Variants in GPC6 observed in about 807,000 individuals in gnomAD.
GPC6 encodes the protein glypican 6.
Under a neutral mutation model 55.2 loss-of-function variants are expected in GPC6, and 14 were observed. That is an observed-to-expected ratio of 0.25 (90% confidence interval 0.17 to 0.40). The LOEUF (loss-of-function observed/expected upper bound fraction) is 0.40, where lower values mean the gene tolerates loss of function less well. Ranked by LOEUF, GPC6 falls within the 10% of genes least tolerant of loss-of-function variation. The probability of loss-of-function intolerance (pLI) is 1.00; values close to 1 mark genes in which losing one functional copy is unlikely to be tolerated. For missense variants in GPC6, 641 were observed against 708.5 expected, an observed-to-expected ratio of 0.90 and a Z score of 1.08; for synonymous variants, 278 against 259.6, an observed-to-expected ratio of 1.07 and a Z score of -0.68.
At chr13:94,099,725 G>A (rs1332669311) in intron 4 of GPC6, among the ~76,000 whole-genome samples, 4 of 152,002 alleles carry the variant, frequency 2.6e-5, no homozygotes, top group Admixed American at 2.6e-4. Flanking sequence ...TCTTGGGACC[G>A]GGCTCTTATG....
At chr13:93,536,062 C>CTG (rs1342455880) in intron 1 of GPC6, among the ~76,000 whole-genome samples, 2 of 152,064 alleles carry the variant, frequency 1.3e-5, no homozygotes, top group Non-Finnish European at 2.9e-5. Flanking sequence ...TGTCTGTGAG[C>CTG]AGAGTTTCCC....
chr13:94,380,828 C>T (rs1297035659), intron 6 of GPC6, among the ~76,000 whole-genome samples: 1 of 152,206 alleles, frequency 6.6e-6, no homozygotes, highest in African/African-American at 2.4e-5. Flanking sequence ...GTCCAGAGCC[C>T]TCTGCTGCAT....
chr13:93,804,444 C>T (rs1886478384), intron 2 of GPC6, among the ~76,000 whole-genome samples: 1 of 152,162 alleles, frequency 6.6e-6, no homozygotes, highest in East Asian at 1.9e-4. Context: ...ATTTCAAGAT[C>T]CAGACAAGTT....
At chr13:93,621,898 G>T (rs1878966666) in intron 2 of GPC6, among the ~76,000 whole-genome samples, 2 of 152,000 alleles carry the variant, frequency 1.3e-5, no homozygotes, top group Non-Finnish European at 2.9e-5. Flanking sequence ...CTGGCATTTT[G>T]AAATATGCAA....
At chr13:93,352,437 A>T (rs958863621) in intron 1 of GPC6, among the ~76,000 whole-genome samples, 2 of 152,208 alleles carry the variant, frequency 1.3e-5, no homozygotes, top group Non-Finnish European at 2.9e-5. Flanking sequence ...TAACATTTCA[A>T]ACAATTGAAA....
At chr13:94,015,766 C>T (rs1442465111) in intron 3 of GPC6, among the ~76,000 whole-genome samples, 1 of 152,112 alleles carries the variant, frequency 6.6e-6, no homozygotes, top group Admixed American at 6.5e-5. Context: ...ATCCTTTCCT[C>T]CTTGAATGGT....
At chr13:94,055,809 AG>A (rs1267123933) in intron 4 of GPC6, among the ~76,000 whole-genome samples, 5 of 152,198 alleles carry the variant, frequency 3.3e-5, no homozygotes, top group Admixed American at 2.0e-4. Flanking sequence ...AAAAACAAAA[AG>A]TAAAAAAATA....
At chr13:93,562,029 C>A (rs191334120) in intron 2 of GPC6, among the ~76,000 whole-genome samples, 1 of 152,132 alleles carries the variant, frequency 6.6e-6, no homozygotes, top group East Asian at 1.9e-4. Flanking sequence ...TTTGCTACAG[C>A]GTGTTTCTGA....
At chr13:93,720,906 T>C (rs1040058787) in intron 2 of GPC6, among the ~76,000 whole-genome samples, 2 of 152,080 alleles carry the variant, frequency 1.3e-5, no homozygotes, top group Non-Finnish European at 2.9e-5. Context: ...TGAGTTCTAA[T>C]TTGATTGCAC....
chr13:93,576,450 C>A (rs1876668075), intron 2 of GPC6, among the ~76,000 whole-genome samples: 1 of 152,090 alleles, frequency 6.6e-6, no homozygotes. Flanking sequence ...CCTGACACAT[C>A]TGTATAATTC....
intron 6 of GPC6, among the ~76,000 whole-genome samples, chr13:94,342,831 T>G (rs1341611920): frequency 6.6e-6 from 1 of 152,054 alleles, no homozygotes; most frequent in Non-Finnish European, 1.5e-5. Context: ...CCATCCTCAG[T>G]CCTAGACTGT....
In GPC6 at chr13:94,405,596, T is replaced by C. The variant is rs1256885666; in HGVS notation, c.*2379T>C. 1 of 152,230 alleles carries C rather than the reference T, an allele frequency of 6.6e-6. No homozygotes were observed. Among genetic ancestry groups the C allele is most frequent in the Non-Finnish European group, 1.5e-5 (1 of 68,020 alleles). 9.4% of individuals were successfully genotyped at this position (152,230 alleles called of 1,614,324 possible). ...TTTCACCCCCAAAAGGTTTTGTGCA[T>C]GTGTATGAATACACATAATATTAGT... On this transcript the variant is annotated 3_prime_UTR_variant, in exon 9 of 9. Coordinates refer to ENST00000377047, the MANE Select transcript of GPC6 (RefSeq NM_005708.5).
At chr13:93,455,074 C>T (rs1278730853) in intron 1 of GPC6, among the ~76,000 whole-genome samples, 1 of 152,178 alleles carries the variant, frequency 6.6e-6, no homozygotes, top group South Asian at 2.1e-4. Flanking sequence ...CGGCCGGCTG[C>T]TCCGAGTGCA....
intron 2 of GPC6, among the ~76,000 whole-genome samples, chr13:93,796,395 G>A (rs1456023738): frequency 6.6e-6 from 1 of 151,944 alleles, no homozygotes; most frequent in African/African-American, 2.4e-5. Flanking sequence ...TTTTAGCATG[G>A]AATTATGTGT....
At chr13:94,276,121 A>G (rs1892194699) in intron 4 of GPC6, among the ~76,000 whole-genome samples, 2 of 152,238 alleles carry the variant, frequency 1.3e-5, no homozygotes, top group African/African-American at 4.8e-5. Context: ...TGAATTATGT[A>G]CAAGGGTATT....
At chr13:94,386,019 C>T (rs1369317067) in intron 7 of GPC6, among the ~76,000 whole-genome samples, 1 of 152,198 alleles carries the variant, frequency 6.6e-6, no homozygotes, top group African/African-American at 2.4e-5. Context: ...GGCAATGACT[C>T]ACACCTGTAA....
chr13:93,935,978 G>A (rs1878417214), intron 3 of GPC6, among the ~76,000 whole-genome samples: 1 of 151,966 alleles, frequency 6.6e-6, no homozygotes, highest in Non-Finnish European at 1.5e-5. Context: ...TTTGAGAATC[G>A]ATGATAAACT....
chr13:93,218,478 A>C, the GPC6 span, among the ~76,000 whole-genome samples: 3 of 152,220 alleles, frequency 2.0e-5, no homozygotes, highest in South Asian at 4.1e-4. Context: ...ATAGGTCTAA[A>C]AATTATTAAT....
chr13:93,293,640 A>T (rs539208118), intron 1 of GPC6, among the ~76,000 whole-genome samples: 220 of 152,142 alleles, frequency 1.4e-3, no homozygotes, highest in Non-Finnish European at 2.9e-3. Flanking sequence ...AGTGTCATTG[A>T]TTGTGTTTGA....
Sources: gnomAD v4.1 joint callset for allele counts (sites outside exome capture counted in the v4.1 genomes callset) on GRCh38, gnomAD v4.1.1 for gene constraint, MANE v1.5 for transcripts, NCBI Gene and HGNC (gene_info 2026-07-23, HGNC 2026-07-21) for gene names.